The following CATSPERE variants were observed in gnomAD, a reference collection of about 807,000 sequenced individuals.
CATSPERE encodes catsper channel auxiliary subunit epsilon.
In CATSPERE, 93 loss-of-function variants were observed where a neutral mutation model predicts 114.1. The observed-to-expected ratio is 0.81, with a 90% CI of 0.69 to 0.97. The LOEUF is 0.97. Among genes scored for constraint, CATSPERE ranks in the 50% least tolerant of loss-of-function variants. CATSPERE has a pLI of 0.00. For synonymous variants in CATSPERE, 341 were observed against 384.1 expected (o/e 0.89, Z 1.31); for missense variants, 1,058 against 1,131.6 (o/e 0.93, Z 0.93).
intron 20 of CATSPERE, among the ~76,000 whole-genome samples, chr1:244,621,214 T>TATATATATTTATATAG (rs1672256034): frequency 4.8e-5 from 1 of 20,990 alleles, no homozygotes; most frequent in African/African-American, 2.0e-4. Flanking sequence ...TATATTTATA[T>TATATATATTTATATAG]ATATATTTAT....
chr1:244,568,098 C>T lies in CATSPERE; in HGVS notation c.1508-4232C>T, dbSNP rs983900692. Among the ~76,000 whole-genome samples, 14 of 152,176 alleles carry T rather than the reference C, an allele frequency of 9.2e-5. No individual in the cohort carries two copies. Among genetic ancestry groups the T allele is most frequent in the African/African-American group, 1.2e-4 (5 of 41,442 alleles). ...TAGTTTTCCTTCTAACAGTCAGGCTCCTCTCCTGCAGGTCTGCTGGAGTTT... is the reference window on the plus strand; with the variant it reads ...TAGTTTTCCTTCTAACAGTCAGGCTTCTCTCCTGCAGGTCTGCTGGAGTTT... On this transcript the variant is annotated intron_variant, in intron 10 of 21. Coordinates refer to ENST00000366534, the MANE Select transcript of CATSPERE (RefSeq NM_001130957.2). The surrounding 1 kb of genome is among the most constrained non-coding windows in gnomAD (Gnocchi z 4.4).
At position 244,621,097 on chromosome 1, in the gene CATSPERE, TA is replaced by T. The variant is rs1158091450; in HGVS notation, c.2648+3412del. On this transcript the variant is annotated intron_variant, in intron 20 of 21. Transcript: ENST00000366534. ...AATATATATATAAATATATATAAAA[TA>T]TATATAAATATATATATAATATATA... Among the ~76,000 whole-genome samples, 325 of 66,182 alleles carry T rather than the reference TA, an allele frequency of 4.9e-3. 7 individuals are homozygous for T. Among genetic ancestry groups the T allele is most frequent in the African/African-American group, 0.018 (303 of 16,936 alleles). 43.4% of individuals were successfully genotyped at this position (66,182 alleles called of 152,430 possible). A position where few individuals can be genotyped will look rare whatever the true frequency, so the allele number is the denominator to read the frequency against.
intron 9 of CATSPERE, among the ~76,000 whole-genome samples, chr1:244,553,628 C>CACACACACATATATACAT (rs1661105401): frequency 1.4e-5 from 2 of 147,306 alleles, no homozygotes; most frequent in African/African-American, 5.2e-5. Flanking sequence ...CACACACACA[C>CACACACACATATATACAT]ACACACACAC....
intron 11 of CATSPERE, among the ~76,000 whole-genome samples, chr1:244,577,330 C>T (rs1024311390): frequency 1.3e-5 from 2 of 151,864 alleles, no homozygotes; most frequent in Admixed American, 1.3e-4. Flanking sequence ...CTGGCATCAA[C>T]AGATTTGGAA....
At chr1:244,455,247 G>C (rs1260910750) in intron 1 of CATSPERE, among the ~76,000 whole-genome samples, 1 of 151,968 alleles carries the variant, frequency 6.6e-6, no homozygotes, top group East Asian at 1.9e-4. Context: ...ATTTATTGAG[G>C]TTCCCGCGTC....
At chr1:244,538,932 A>T (rs918197484) in intron 8 of CATSPERE, among the ~76,000 whole-genome samples, 18 of 151,480 alleles carry the variant, frequency 1.2e-4, no homozygotes, top group Admixed American at 9.9e-4. Context: ...ACCACACCAG[A>T]GGGACTAGCC....
At chr1:244,540,435 T>C in intron 8 of CATSPERE, among the ~76,000 whole-genome samples, 2 of 128,124 alleles carry the variant, frequency 1.6e-5, no homozygotes, top group East Asian at 2.5e-4. Flanking sequence ...TACCTAGGAA[T>C]CCAACTTACA....
intron 20 of CATSPERE, among the ~76,000 whole-genome samples, chr1:244,630,853 A>G (rs1673853980): frequency 6.6e-6 from 1 of 152,174 alleles, no homozygotes; most frequent in Non-Finnish European, 1.5e-5. Context: ...ATACATTATA[A>G]TAAAGGATTT....
chr1:244,636,021 C>G (rs957632288), intron 21 of CATSPERE, among the ~76,000 whole-genome samples: 3 of 152,214 alleles, frequency 2.0e-5, no homozygotes, highest in Non-Finnish European at 4.4e-5. Context: ...TCAAACATGT[C>G]TCAGCTCCTC....
chr1:244,514,895 G>A (rs1676373219), intron 7 of CATSPERE, among the ~76,000 whole-genome samples: 2 of 150,746 alleles, frequency 1.3e-5, no homozygotes, highest in Non-Finnish European at 2.9e-5. Flanking sequence ...GTCTGTACCC[G>A]AGTTAATAAC....
chr1:244,633,583 T>C lies in CATSPERE; in HGVS notation c.2649-1906T>C, dbSNP rs1674241285. On this transcript the variant is annotated intron_variant, in intron 20 of 21. Transcript: ENST00000366534. The surrounding 1 kb of genome is among the most constrained non-coding windows in gnomAD (Gnocchi z 4.1). Reference sequence around the variant, plus strand: ...AAAGTCAAAATTCCTAAGCCTTTCATTAAAGCCCTCTGGAGGACACATGTG... The same window carrying C: ...AAAGTCAAAATTCCTAAGCCTTTCACTAAAGCCCTCTGGAGGACACATGTG... 6.6e-6 allele frequency among the ~76,000 whole-genome samples: 1 copy of C among 152,126 alleles called. No homozygotes were observed. The highest frequency in any genetic ancestry group is 6.5e-5 in the Admixed American group (1 of 15,270).
chr1:244,582,890 C>T (rs1223924028), intron 12 of CATSPERE, among the ~76,000 whole-genome samples: 1 of 134,202 alleles, frequency 7.5e-6, no homozygotes, highest in East Asian at 2.6e-4. Context: ...CTGGTAAGTG[C>T]TATGAAGAAA....
chr1:244,503,615 C>A lies in CATSPERE; in HGVS notation c.429+4536C>A, dbSNP rs557028739. On this transcript the variant is annotated intron_variant, in intron 7 of 21. Transcript: ENST00000366534. Reference sequence around the variant, plus strand: ...TTTAAAATTTTTGTTTCTTTTGAGACGAGGTCTCACTCTGTCACCCAGGCT... The same window carrying A: ...TTTAAAATTTTTGTTTCTTTTGAGAAGAGGTCTCACTCTGTCACCCAGGCT... Among the ~76,000 whole-genome samples, 4 of 152,210 alleles carry A rather than the reference C, an allele frequency of 2.6e-5. No homozygotes were observed. In the South Asian group the frequency reaches 8.3e-4, roughly 32 times the overall value.
In CATSPERE at chr1:244,626,766, A is replaced by G. The variant is rs568228736; in HGVS notation, c.2649-8723A>G. Among the ~76,000 whole-genome samples, 11 of 152,322 alleles carry G rather than the reference A, an allele frequency of 7.2e-5. No homozygotes were observed. In the East Asian group the frequency reaches 1.7e-3, roughly 24 times the overall value. The stretch of plus-strand genomic sequence containing the variant: ...CTTCACCTCCCTCAGCCTTCCTAGA[A>G]TTGAAGAGAGTGCTCTAAATTAGGC... On this transcript the variant is annotated intron_variant, in intron 20 of 21. Transcript: ENST00000366534.
At chr1:244,508,464 C>T (rs1675174853) in intron 7 of CATSPERE, among the ~76,000 whole-genome samples, 1 of 151,780 alleles carries the variant, frequency 6.6e-6, no homozygotes, top group Admixed American at 6.6e-5. Context: ...CCACGCCCAG[C>T]TAATTTTTTT....
chr1:244,480,111 A>G (rs1670025206), intron 5 of CATSPERE, among the ~76,000 whole-genome samples: 1 of 152,232 alleles, frequency 6.6e-6, no homozygotes, highest in African/African-American at 2.4e-5. Flanking sequence ...AAAAAGTACA[A>G]AGCTACTAAA....
intron 8 of CATSPERE, among the ~76,000 whole-genome samples, chr1:244,526,007 A>G (rs1296682567): frequency 1.3e-5 from 2 of 152,222 alleles, no homozygotes; most frequent in Non-Finnish European, 2.9e-5. Context: ...CATGGTCACA[A>G]GATGGCTGCT....
intron 7 of CATSPERE, among the ~76,000 whole-genome samples, chr1:244,511,449 T>A (rs1263355876): frequency 6.6e-6 from 1 of 152,214 alleles, no homozygotes; most frequent in Non-Finnish European, 1.5e-5. Context: ...AAAATTCAAT[T>A]CATTTACATT....
At chr1:244,596,846 A>G (rs536416729) in intron 17 of CATSPERE, among the ~76,000 whole-genome samples, 1 of 152,102 alleles carries the variant, frequency 6.6e-6, no homozygotes, top group East Asian at 1.9e-4. Flanking sequence ...TGTGAGTGGT[A>G]AGGGTAAGAG....
Sources: gnomAD v4.1 joint callset for allele counts (sites outside exome capture counted in the v4.1 genomes callset) on GRCh38, gnomAD v4.1.1 for gene constraint, Gnocchi (gnomAD v3.1) non-coding constraint, MANE v1.5 for transcripts, NCBI Gene and HGNC (gene_info 2026-07-23, HGNC 2026-07-21) for gene names.